Variants in CCDC32 observed in about 807,000 individuals in gnomAD.
The protein encoded by CCDC32 is coiled-coil domain containing 32.
Under a neutral mutation model 20.1 loss-of-function variants are expected in CCDC32, and 9 were observed. The observed-to-expected ratio is 0.45, with a 90% CI of 0.27 to 0.78. CCDC32 has a LOEUF of 0.78. CCDC32 is among the 30% of genes least tolerant of loss of function. The pLI, the probability that CCDC32 is intolerant of heterozygous loss-of-function variation, is 0.16. For missense variants in CCDC32, 204 were observed against 215.5 expected (o/e 0.95, Z 0.33); for synonymous variants, 63 against 79.0 (o/e 0.80, Z 1.07).
At chr15:40,560,375 T>C (rs767876881) in intron 2 of CCDC32, among the ~76,000 whole-genome samples, 6 of 152,100 alleles carry the variant, frequency 3.9e-5, no homozygotes, top group South Asian at 2.1e-4. Flanking sequence ...ATAAATCGGA[T>C]CTAATTAAAC....
Sources: allele counts gnomAD v4.1 joint callset (sites outside exome capture counted in the v4.1 genomes callset), GRCh38; gene constraint gnomAD v4.1.1; transcripts MANE v1.5; gene names NCBI Gene and HGNC (gene_info 2026-07-23, HGNC 2026-07-21).